CLPB: variants seen among roughly 807,000 people sequenced by gnomAD.
CLPB encodes mitochondrial disaggregase.
CLPB carries 40 observed loss-of-function variants against 78.4 expected under a neutral mutation model. That is an observed-to-expected ratio of 0.51 (90% confidence interval 0.40 to 0.66). CLPB has a LOEUF of 0.66. Among genes scored for constraint, CLPB ranks in the 30% least tolerant of loss-of-function variants. The pLI, the probability that CLPB is intolerant of heterozygous loss-of-function variation, is 0.00. For synonymous variants in CLPB, 333 were observed against 348.0 expected, an observed-to-expected ratio of 0.96 and a Z score of 0.48; for missense variants, 780 against 886.9, an observed-to-expected ratio of 0.88 and a Z score of 1.53.
chr11:72,323,951 A>T (rs1010474160), intron 6 of CLPB, among the ~76,000 whole-genome samples: 6 of 152,032 alleles, frequency 3.9e-5, no homozygotes, highest in African/African-American at 1.4e-4. Context: ...GAAAAAAATT[A>T]TATATATATC....
At chr11:72,413,085 T>C (rs1855924184) in intron 2 of CLPB, among the ~76,000 whole-genome samples, 2 of 151,838 alleles carry the variant, frequency 1.3e-5, no homozygotes, top group South Asian at 4.2e-4. Flanking sequence ...GGTCGGGAGT[T>C]CGAGACCAGC....
intron 4 of CLPB, among the ~76,000 whole-genome samples, chr11:72,374,160 C>T (rs965173799): frequency 6.6e-6 from 1 of 152,008 alleles, no homozygotes; most frequent in African/African-American, 2.4e-5. Context: ...TTGCTCAATA[C>T]CTCCTAGGCA....
At chr11:72,374,414 A>G (rs1307343618) in intron 4 of CLPB, among the ~76,000 whole-genome samples, 5 of 152,212 alleles carry the variant, frequency 3.3e-5, no homozygotes, top group Admixed American at 3.3e-4. Context: ...CTGAAGCCCA[A>G]TCTTTCTCTA....
chr11:72,376,453 C>T (rs999333017), intron 4 of CLPB, among the ~76,000 whole-genome samples: 1 of 151,582 alleles, frequency 6.6e-6, no homozygotes, highest in African/African-American at 2.4e-5. Context: ...CAAGTCGGAA[C>T]GTTCAGTGCA....
chr11:72,286,221 C>CTGTTTTTTT lies in CLPB; in HGVS notation c.*7137_*7145dup, dbSNP rs1949386124. 2 of 59,120 alleles carry CTGTTTTTTT rather than the reference C, an allele frequency of 3.4e-5. No individual in the cohort carries two copies. Among genetic ancestry groups the CTGTTTTTTT allele is most frequent in the Admixed American group, 2.9e-4 (2 of 6,992 alleles). The allele number at this position is 59,120 out of a possible 1,614,324, so 3.7% of individuals were successfully genotyped here. On this transcript the variant is annotated 3_prime_UTR_variant, in exon 16 of 16. Coordinates refer to ENST00000538039, the MANE Select transcript of CLPB (RefSeq NM_001258392.3). Reference sequence around the variant, plus strand: ...AGATTACAGGTGTGAGATACTGCACCTGTTTTTTTTTTTTTTTTTTTTTTT... The same window carrying CTGTTTTTTT: ...AGATTACAGGTGTGAGATACTGCACCTGTTTTTTTTGTTTTTTTTTTTTTTTTTTTTTTT...
chr11:72,429,591 G>T (rs1856485541), intron 2 of CLPB, among the ~76,000 whole-genome samples: 1 of 152,188 alleles, frequency 6.6e-6, no homozygotes, highest in Non-Finnish European at 1.5e-5. Flanking sequence ...TAGGCCCAGT[G>T]GGGGGCATAG....
intron 4 of CLPB, among the ~76,000 whole-genome samples, chr11:72,378,662 GC>G: frequency 6.6e-6 from 1 of 152,308 alleles, no homozygotes; most frequent in African/African-American, 2.4e-5. Flanking sequence ...GCACTGCAAT[GC>G]TGTGCCTGAA....
At chr11:72,418,854 C>CA (rs913728201) in intron 2 of CLPB, among the ~76,000 whole-genome samples, 9,396 of 74,908 alleles carry the variant, frequency 0.13, 539 homozygotes, top group African/African-American at 0.23. Context: ...ACTCCATCTC[C>CA]AAAAAAAAAA....
Position 72,294,363 on chromosome 11 carries a change from G to A in CLPB, c.1642C>T (p.Gln548Ter). 2 of 1,614,204 alleles carry A rather than the reference G, an allele frequency of 1.2e-6. No individual in the cohort carries two copies. Among genetic ancestry groups the A allele is most frequent in the Non-Finnish European group, 1.7e-6 (2 of 1,180,030 alleles). ...AAGTTTAGTTCCTTGTTGACGAGTT[G>A]GATGAGCTCCGAGTGGCAGAAGGGG... ...FLPFCHSELI[Q>*]LVNKELNFWA... is the part of the protein sequence containing the mutation. The change falls in exon 14 of 16, where the codon CAA becomes TAA. Residue 548 changes from glutamine to a stop codon, truncating the protein, a stop_gained. Coordinates refer to ENST00000538039, the MANE Select transcript of CLPB (RefSeq NM_001258392.3). LOFTEE classifies it high-confidence loss of function.
At chr11:72,309,832 G>T (rs1339404742) in intron 7 of CLPB, among the ~76,000 whole-genome samples, 1 of 152,228 alleles carries the variant, frequency 6.6e-6, no homozygotes, top group Admixed American at 6.5e-5. Flanking sequence ...GGGAAAATTA[G>T]CTAAGGGATA....
Position 72,434,514 on chromosome 11 carries a change from G to C in CLPB, c.-40C>G, listed in dbSNP as rs754348518. ...CGATAACCCCGTGGTGCCGGCCCCT[G>C]TGCTGACCACGTCCAACATGGCTGC... On this transcript the variant is annotated 5_prime_UTR_variant, in exon 1 of 16. Coordinates refer to ENST00000538039, the MANE Select transcript of CLPB (RefSeq NM_001258392.3). 2 of 1,512,226 alleles carry C rather than the reference G, an allele frequency of 1.3e-6. No individual in the cohort carries two copies. Among genetic ancestry groups the C allele is most frequent in the South Asian group, 1.3e-5 (1 of 75,280 alleles). The allele number at this position is 1,512,226 out of a possible 1,614,324, so 93.7% of individuals were successfully genotyped here.
At chr11:72,409,664 G>A (rs1855816635) in intron 2 of CLPB, among the ~76,000 whole-genome samples, 1 of 151,760 alleles carries the variant, frequency 6.6e-6, no homozygotes, top group Non-Finnish European at 1.5e-5. Context: ...AAAATCAGCA[G>A]CAAAGATCTC....
chr11:72,311,954 T>C (rs1286127074), intron 7 of CLPB, among the ~76,000 whole-genome samples: 1 of 152,238 alleles, frequency 6.6e-6, no homozygotes, highest in African/African-American at 2.4e-5. Flanking sequence ...ACAGCTCTTT[T>C]TGATTCACTC....
At chr11:72,320,416 G>A (rs1398579508) in intron 6 of CLPB, among the ~76,000 whole-genome samples, 1 of 152,142 alleles carries the variant, frequency 6.6e-6, no homozygotes, top group Non-Finnish European at 1.5e-5. Context: ...AGGTGGGGTG[G>A]GGAGAGTTAT....
chr11:72,316,637 T>G (rs888403071), intron 7 of CLPB, among the ~76,000 whole-genome samples: 2 of 152,164 alleles, frequency 1.3e-5, no homozygotes, highest in African/African-American at 2.4e-5. Flanking sequence ...TCTATAAAAT[T>G]AGGCCAGCTG....
chr11:72,369,875 C>T (rs553465407), intron 4 of CLPB, among the ~76,000 whole-genome samples: 1 of 152,268 alleles, frequency 6.6e-6, no homozygotes, highest in South Asian at 2.1e-4. Context: ...GAAGATGAAT[C>T]TGAGATACTA....
intron 3 of CLPB, among the ~76,000 whole-genome samples, chr11:72,394,559 G>A (rs1342772651): frequency 6.6e-6 from 1 of 152,212 alleles, no homozygotes; most frequent in East Asian, 1.9e-4. Context: ...TTAGGCAAAT[G>A]AGCTGGCACT....
At chr11:72,373,961 A>AAAC (rs1951092592) in intron 4 of CLPB, among the ~76,000 whole-genome samples, 1 of 14,618 alleles carries the variant, frequency 6.8e-5, no homozygotes, top group Non-Finnish European at 2.1e-4. Context: ...ACTCTGTCTC[A>AAAC]AAAAAAAAAA....
intron 3 of CLPB, among the ~76,000 whole-genome samples, chr11:72,394,536 T>G (rs1032646069): frequency 6.6e-6 from 1 of 152,202 alleles, no homozygotes; most frequent in Admixed American, 6.5e-5. Context: ...AAGTATACCC[T>G]GAGACTGTCA....
Sources: gnomAD v4.1 joint callset for allele counts (sites outside exome capture counted in the v4.1 genomes callset) on GRCh38, gnomAD v4.1.1 for gene constraint, MANE v1.5 for transcripts, NCBI Gene and HGNC (gene_info 2026-07-23, HGNC 2026-07-21) for gene names.